Variants in PDCD10 observed in about 807,000 individuals in gnomAD.
The protein encoded by PDCD10 is programmed cell death protein 10.
PDCD10 carries 4 observed loss-of-function variants against 29.2 expected under a neutral mutation model. The observed-to-expected ratio is 0.14, with a 90% CI of 0.07 to 0.31. PDCD10 has a LOEUF of 0.31. PDCD10 is among the 10% of genes least tolerant of loss of function. PDCD10 has a pLI of 1.00. For synonymous variants in PDCD10, 70 were observed against 82.2 expected (o/e 0.85, Z 0.80); for missense variants, 183 against 257.9 (o/e 0.71, Z 1.99).
chr3:167,695,096 G>C (rs1334740307), intron 6 of PDCD10, among the ~76,000 whole-genome samples: 1 of 152,128 alleles, frequency 6.6e-6, no homozygotes, highest in Non-Finnish European at 1.5e-5. Context: ...GACCCTTCTT[G>C]CTGCTGCTCA....
At chr3:167,697,759 T>C (rs1374095558) in intron 4 of PDCD10, 7 of 273,658 alleles carry the variant, frequency 2.6e-5, no homozygotes, top group Non-Finnish European at 5.1e-5. Context: ...GCTTGTTTCA[T>C]TGAGTTTGCA....
rs545980210 is a variant in PDCD10 at position 167,721,687 on chromosome 3, T to C, written c.-116-1414A>G. On this transcript the variant is annotated intron_variant, in intron 2 of 8. Transcript: ENST00000392750. ...CACCTACGGAAACTGTTTAGTCCCA[T>C]TTCTGACAGTTCTAAACATCAAAGA... is the stretch of plus-strand genomic sequence containing the variant. 3.9e-5 allele frequency among the ~76,000 whole-genome samples: 6 copies of C among 152,306 alleles called. No homozygotes were observed. In the East Asian group the frequency reaches 1.2e-3, roughly 29 times the overall value.
rs1390197622 is a variant in PDCD10, at chr3:167,687,611, G to C, written c.474+4C>G. 1.3e-6 allele frequency: 2 copies of C among 1,562,432 alleles called. No homozygotes were observed. The highest frequency in any genetic ancestry group is 2.7e-5 in the African/African-American group (2 of 73,868). On this transcript the variant is annotated splice_donor_region_variant and intron_variant, in intron 7 of 8. Coordinates refer to ENST00000392750, the MANE Select transcript of PDCD10 (RefSeq NM_007217.4). ...TCAACTAGCAAGGCTTCTACTAAAC[G>C]TACCCTGCGGTTCTGGTATTGATAT...
At chr3:167,688,872 G>A (rs1262489711) in intron 6 of PDCD10, among the ~76,000 whole-genome samples, 2 of 152,062 alleles carry the variant, frequency 1.3e-5, no homozygotes, top group African/African-American at 2.4e-5. Context: ...TCAGTGTCCA[G>A]GTTTCTGTGT....
chr3:167,725,411 C>T (rs1724012852), intron 2 of PDCD10: 1 of 151,778 alleles, frequency 6.6e-6, no homozygotes, highest in African/African-American at 2.4e-5. Flanking sequence ...CTTTTTAGGG[C>T]TTTCTCATGC....
In PDCD10 at chr3:167,723,521, C is replaced by T. The variant is rs184525630; in HGVS notation, c.-116-3248G>A. ...GAAATGGCCTTAAAAAGTTATTTCACCCATTTCACTACCTACAGCAGAAAC... is the reference window on the plus strand; with the variant it reads ...GAAATGGCCTTAAAAAGTTATTTCATCCATTTCACTACCTACAGCAGAAAC... On this transcript the variant is annotated intron_variant, in intron 2 of 8. Coordinates refer to ENST00000392750, the MANE Select transcript of PDCD10 (RefSeq NM_007217.4). Among the ~76,000 whole-genome samples, 3 of 152,332 alleles carry T rather than the reference C, an allele frequency of 2.0e-5. No homozygotes were observed. The East Asian group carries it at 5.8e-4, about 29-fold the overall frequency.
chr3:167,707,508 C>T (rs1722096084), intron 3 of PDCD10, among the ~76,000 whole-genome samples: 2 of 151,820 alleles, frequency 1.3e-5, no homozygotes, highest in South Asian at 4.2e-4. Context: ...GAAACCCAGT[C>T]TCTACTAAAA....
chr3:167,692,862 G>A (rs952825439), intron 6 of PDCD10, among the ~76,000 whole-genome samples: 1 of 152,236 alleles, frequency 6.6e-6, no homozygotes, highest in Non-Finnish European at 1.5e-5. Flanking sequence ...AGTTTGCAGT[G>A]AGCCGAGATG....
chr3:167,733,381 T>C (rs9843615), intron 2 of PDCD10, among the ~76,000 whole-genome samples: 1,567 of 152,336 alleles, frequency 0.01, 14 homozygotes, highest in Admixed American at 0.02. Flanking sequence ...AGGATAAGAC[T>C]TGCATAAAGG....
intron 1 of PDCD10, 46 bp from the exon 2 acceptor site, chr3:167,734,396 C>T (rs1454445408): frequency 3.3e-5 from 5 of 152,568 alleles, no homozygotes; most frequent in Admixed American, 6.5e-5. Context: ...GACTCCCAAG[C>T]ACCCTTTCCT....
chr3:167,703,970 C>T (rs528147972), intron 4 of PDCD10, among the ~76,000 whole-genome samples: 23 of 152,214 alleles, frequency 1.5e-4, no homozygotes, highest in Admixed American at 7.2e-4. Flanking sequence ...TAACTTGGAA[C>T]ATATCTTGAT....
chr3:167,732,475 G>A (rs1020770496), intron 2 of PDCD10, among the ~76,000 whole-genome samples: 3 of 152,296 alleles, frequency 2.0e-5, no homozygotes, highest in African/African-American at 7.2e-5. Flanking sequence ...ATAACTCTGT[G>A]AACTCCTAAT....
intron 4 of PDCD10, among the ~76,000 whole-genome samples, chr3:167,700,658 A>C (rs567924041): frequency 6.6e-6 from 1 of 152,348 alleles, no homozygotes; most frequent in East Asian, 1.9e-4. Flanking sequence ...ATATGATTCA[A>C]GAAAAAGCAA....
intron 2 of PDCD10, among the ~76,000 whole-genome samples, chr3:167,733,905 G>A (rs1278436221): frequency 6.6e-6 from 1 of 152,126 alleles, no homozygotes; most frequent in African/African-American, 2.4e-5. Context: ...GTTGAAACTG[G>A]CCATTTTTAT....
At chr3:167,719,454 ATTAAT>A (rs1723353301) in intron 3 of PDCD10, among the ~76,000 whole-genome samples, 1 of 152,138 alleles carries the variant, frequency 6.6e-6, no homozygotes, top group Non-Finnish European at 1.5e-5. Context: ...GCATGTTAAT[ATTAAT>A]TTAAAAGAAA....
In PDCD10 at chr3:167,697,066, T is replaced by A; in HGVS notation, c.211A>T (p.Ser71Cys). 1 of 1,609,252 alleles carries A rather than the reference T, an allele frequency of 6.2e-7. No individual in the cohort carries two copies. The highest frequency in any genetic ancestry group is 8.5e-7 in the Non-Finnish European group (1 of 1,175,756). Reference protein sequence around the residue: ...DIIMKILEKKSVEVNFTESLL... With the variant: ...DIIMKILEKKCVEVNFTESLL... ...GACTCCGTGAAGTTAACTTCCACGC[T>A]TTTTTTCTCTAAAATTTTCATAATG... The change falls in exon 5 of 9, where the codon AGC becomes TGC. Residue 71 changes from serine to cysteine, a missense_variant. By Grantham distance (112) the Ser-to-Cys change is moderately radical. Transcript: ENST00000392750.
intron 2 of PDCD10, among the ~76,000 whole-genome samples, chr3:167,722,072 C>T (rs1723623613): frequency 6.6e-6 from 1 of 151,670 alleles, no homozygotes; most frequent in African/African-American, 2.4e-5. Context: ...TAAAAAAAAC[C>T]TGGGGAAAAG....
At chr3:167,695,064 C>G (rs914837779) in intron 6 of PDCD10, among the ~76,000 whole-genome samples, 1 of 152,170 alleles carries the variant, frequency 6.6e-6, no homozygotes, top group African/African-American at 2.4e-5. Context: ...TGTCCCTGGT[C>G]TGAGAACTAC....
At position 167,695,874 on chromosome 3, in the gene PDCD10, G is replaced by T. The variant is rs111688021; in HGVS notation, c.269-152C>A. 1.9e-5 allele frequency: 14 copies of T among 725,306 alleles called. No homozygotes were observed. The South Asian group carries it at 2.1e-4, about 11-fold the overall frequency. The allele number at this position is 725,306 out of a possible 1,614,324, so 44.9% of individuals were successfully genotyped here. A position where few individuals can be genotyped will look rare whatever the true frequency, so the allele number is the denominator to read the frequency against. On this transcript the variant is annotated intron_variant, in intron 5 of 8. Transcript: ENST00000392750. ...AGGTTGCAAAGCAGAATTCATTAGC[G>T]TTTGACTTAGTCCAGTAACAACAGC...
Sources: gnomAD v4.1 joint callset for allele counts (sites outside exome capture counted in the v4.1 genomes callset) on GRCh38, gnomAD v4.1.1 for gene constraint, MANE v1.5 for transcripts, NCBI Gene and HGNC (gene_info 2026-07-23, HGNC 2026-07-21) for gene names.